GPBP1L1: variants seen among roughly 807,000 people sequenced by gnomAD.
The protein encoded by GPBP1L1 is GC-rich promoter binding protein 1 like 1, also known as vasculin-like protein 1.
GPBP1L1 carries 23 observed loss-of-function variants against 52.5 expected under a neutral mutation model. The observed-to-expected ratio is 0.44, with a 90% CI of 0.32 to 0.62. GPBP1L1 has a LOEUF of 0.62. GPBP1L1 is among the 20% of genes least tolerant of loss of function. The probability of loss-of-function intolerance (pLI) is 0.06; values close to 1 mark genes in which losing one functional copy is unlikely to be tolerated. For synonymous variants in GPBP1L1, 243 were observed against 203.1 expected, an observed-to-expected ratio of 1.20 and a Z score of -1.67; for missense variants, 596 against 579.3, an observed-to-expected ratio of 1.03 and a Z score of -0.30.
At position 45,640,543 on chromosome 1, in the gene GPBP1L1, A is replaced by T. The variant is rs1234031740; in HGVS notation, c.551-140T>A. ...TTAAACATTCCCTGGTATGCACTTA[A>T]TAGATACTCTCAAAAGTGAGACTAC... On this transcript the variant is annotated intron_variant, in intron 7 of 12. Coordinates refer to ENST00000355105, the MANE Select transcript of GPBP1L1 (RefSeq NM_021639.5). 8 of 678,536 alleles carry T rather than the reference A, an allele frequency of 1.2e-5. No individual in the cohort carries two copies. In the Admixed American group the frequency reaches 2.1e-4, roughly 18 times the overall value. The allele number at this position is 678,536 out of a possible 1,614,324, so 42.0% of individuals were successfully genotyped here.
intron 10 of GPBP1L1, among the ~76,000 whole-genome samples, chr1:45,631,032 A>G (rs1054086733): frequency 6.6e-6 from 1 of 152,166 alleles, no homozygotes; most frequent in Non-Finnish European, 1.5e-5. Flanking sequence ...AAGGAAATAC[A>G]ATGGAGAAAA....
In GPBP1L1 at chr1:45,659,042, G is replaced by T. The variant is rs1160264043; in HGVS notation, c.46C>A (p.Pro16Thr). The T allele has an allele frequency of 1.2e-6, 2 of 1,609,342 alleles. No homozygotes were observed. The highest frequency in any genetic ancestry group is 1.7e-5 in the Admixed American group (1 of 59,986). ...FVPAWLNFSTPQSAKSPTATF... is the reference protein window; with the variant it reads ...FVPAWLNFSTTQSAKSPTATF... ...GAGAACAGTACCTTAGCTGACTGTG[G>T]TGTTGAGAAATTTAGCCAAGCAGGA... Residue 16 changes from proline to threonine, a missense_variant, in exon 4 of 13, where the codon CCA becomes ACA. Physicochemically the swap from Pro to Thr is conservative, Grantham distance 38. Transcript: ENST00000355105.
intron 10 of GPBP1L1, among the ~76,000 whole-genome samples, chr1:45,632,495 C>T (rs915606441): frequency 6.6e-6 from 1 of 152,152 alleles, no homozygotes; most frequent in African/African-American, 2.4e-5. Flanking sequence ...ACAGGCAGAA[C>T]ACTTGAGGCC....
chr1:45,667,716 C>G (rs1645027237), intron 2 of GPBP1L1, among the ~76,000 whole-genome samples: 1 of 152,166 alleles, frequency 6.6e-6, no homozygotes, highest in Admixed American at 6.5e-5. Flanking sequence ...CTTCCTAGAG[C>G]CTGTATCTTG....
intron 2 of GPBP1L1, among the ~76,000 whole-genome samples, chr1:45,681,600 G>T (rs1037254844): frequency 6.6e-6 from 1 of 152,176 alleles, no homozygotes; most frequent in African/African-American, 2.4e-5. Context: ...CACTGGATTG[G>T]TGTGTTAAAG....
chr1:45,634,832 G>A (rs1215568479), intron 8 of GPBP1L1: 2 of 152,204 alleles, frequency 1.3e-5, no homozygotes, highest in African/African-American at 4.8e-5. Context: ...CTGTCACTCT[G>A]GCCATAACCC....
At chr1:45,680,918 C>A (rs766422115) in intron 2 of GPBP1L1, among the ~76,000 whole-genome samples, 1 of 152,058 alleles carries the variant, frequency 6.6e-6, no homozygotes, top group African/African-American at 2.4e-5. Context: ...GAAAAAAATT[C>A]AGTTTTGAGA....
At chr1:45,682,356 AACTT>A (rs1645221684) in intron 2 of GPBP1L1, among the ~76,000 whole-genome samples, 1 of 152,188 alleles carries the variant, frequency 6.6e-6, no homozygotes, top group Non-Finnish European at 1.5e-5. Context: ...TGGGGGAAAA[AACTT>A]ACTCCACACA....
rs566012900 is a variant in GPBP1L1 at position 45,663,416 on chromosome 1, A to G, written c.-1097-2191T>C. ...CACCACCACCTTTTCAGTGTTTTACATACCGAATCCAAAGTTTCTATAGCA... is the reference window on the plus strand; with the variant it reads ...CACCACCACCTTTTCAGTGTTTTACGTACCGAATCCAAAGTTTCTATAGCA... On this transcript the variant is annotated intron_variant, in intron 2 of 12. Coordinates refer to ENST00000355105, the MANE Select transcript of GPBP1L1 (RefSeq NM_021639.5). Among the ~76,000 whole-genome samples, 6 of 152,334 alleles carry G rather than the reference A, an allele frequency of 3.9e-5. No homozygotes were observed. In the South Asian group the frequency reaches 1.2e-3, roughly 32 times the overall value.
chr1:45,661,678 A>G (rs1016806967), intron 2 of GPBP1L1, among the ~76,000 whole-genome samples: 1 of 152,118 alleles, frequency 6.6e-6, no homozygotes, highest in Admixed American at 6.6e-5. Context: ...GCTGGTCTCG[A>G]ACTCGACTTT....
intron 10 of GPBP1L1, 53 bp from the exon 11 acceptor site, chr1:45,630,659 T>C (rs1261149666): frequency 1.3e-6 from 2 of 1,590,808 alleles, no homozygotes; most frequent in Non-Finnish European, 8.6e-7. Flanking sequence ...TTTGTAGTAA[T>C]ATAAGCAACC....
rs758811981 is a variant in GPBP1L1, at chr1:45,629,454, T to TTCCCC, written c.1272+121_1272+122insGGGGA. On this transcript the variant is annotated intron_variant, in intron 12 of 12. Transcript: ENST00000355105. The stretch of plus-strand genomic sequence containing the variant: ...CCCCACTACATTTCTACTAAGGTAA[T>TTCCCC]CCCCCCCCCCCCCACCCGATCTTTC... 8.4e-4 allele frequency: 99 copies of TTCCCC among 117,612 alleles called. 9 individuals carry two copies. Among genetic ancestry groups the TTCCCC allele is most frequent in the East Asian group, 2.4e-3 (11 of 4,524 alleles). The allele number at this position is 117,612 out of a possible 1,614,324, so 7.3% of individuals were successfully genotyped here. A position where few individuals can be genotyped will look rare whatever the true frequency, so the allele number is the denominator to read the frequency against.
At chr1:45,672,974 G>A (rs140118686) in intron 2 of GPBP1L1, among the ~76,000 whole-genome samples, 2 of 152,330 alleles carry the variant, frequency 1.3e-5, no homozygotes, top group Admixed American at 1.3e-4. Context: ...CTTTTGAGAA[G>A]TGTTGCTGCA....
chr1:45,635,321 C>T (rs901844962), intron 8 of GPBP1L1: 3 of 152,062 alleles, frequency 2.0e-5, no homozygotes, highest in African/African-American at 7.2e-5. Flanking sequence ...ATGACCCAAC[C>T]AGAATGAAGA....
chr1:45,652,164 T>G (rs568454671), intron 6 of GPBP1L1, among the ~76,000 whole-genome samples: 1 of 152,228 alleles, frequency 6.6e-6, no homozygotes, highest in Non-Finnish European at 1.5e-5. Context: ...ACCCCAGTTG[T>G]GACAACAAAG....
intron 2 of GPBP1L1, among the ~76,000 whole-genome samples, chr1:45,677,086 A>G (rs1459039408): frequency 6.6e-6 from 1 of 152,114 alleles, no homozygotes; most frequent in Non-Finnish European, 1.5e-5. Context: ...CTGTAATCCC[A>G]GCACTTTGGG....
chr1:45,677,297 G>A (rs1208356459), intron 2 of GPBP1L1, among the ~76,000 whole-genome samples: 4 of 149,354 alleles, frequency 2.7e-5, no homozygotes, highest in African/African-American at 5.0e-5. Context: ...CTGAGATTGC[G>A]CCACTGCACT....
chr1:45,672,293 C>T (rs541068372), intron 2 of GPBP1L1, among the ~76,000 whole-genome samples: 2 of 146,754 alleles, frequency 1.4e-5, no homozygotes, highest in South Asian at 2.1e-4. Flanking sequence ...ATCCGGGAGG[C>T]GGAGGTTGCA....
At chr1:45,683,203 C>CTTTTTTTTTTT (rs764606358) in intron 2 of GPBP1L1, among the ~76,000 whole-genome samples, 1 of 83,776 alleles carries the variant, frequency 1.2e-5, no homozygotes, top group Non-Finnish European at 2.2e-5. Context: ...GAATATAGGC[C>CTTTTTTTTTTT]TTTTTTTTTT....
Sources: gnomAD v4.1 joint callset for allele counts (sites outside exome capture counted in the v4.1 genomes callset) on GRCh38, gnomAD v4.1.1 for gene constraint, MANE v1.5 for transcripts, NCBI Gene and HGNC (gene_info 2026-07-23, HGNC 2026-07-21) for gene names.